Variants in MXRA5 observed in about 807,000 individuals in gnomAD.
The protein encoded by MXRA5 is matrix-remodeling-associated protein 5.
A neutral mutation model predicts 112.5 loss-of-function variants in MXRA5; 41 were observed. That is an observed-to-expected ratio of 0.36 (90% CI 0.28 to 0.47). MXRA5 has a LOEUF of 0.47. Ranked by LOEUF, MXRA5 falls within the 20% of genes least tolerant of loss-of-function variation. MXRA5 has a pLI of 0.99. For missense variants in MXRA5, 2,150 were observed against 2,251.0 expected (o/e 0.96, Z 0.91); for synonymous variants, 862 against 900.8 (o/e 0.96, Z 0.77).
chrX:3,311,039 G>A lies in MXRA5; in HGVS notation c.7164C>T (p.Ile2388=), dbSNP rs1920983908. Residue 2388 remains isoleucine, a synonymous_variant, in exon 7 of 7, where the codon ATC becomes ATT. Coordinates refer to ENST00000217939, the MANE Select transcript of MXRA5 (RefSeq NM_015419.4). ...TCTGATACTTCTCAGAGGAGGTGGG[G>A]ATCACCTTGTTGGTTGGGGACAACC... ...VTWLSPTNKV[I]PTSSEKYQIY... 8.3e-7 allele frequency: 1 copy of A among 1,211,646 alleles called. No homozygotes were observed. The highest frequency in any genetic ancestry group is 3.0e-5 in the East Asian group (1 of 33,806).
rs41310268 is a variant in MXRA5, at chrX:3,310,874, G to T, written c.7329C>A (p.Asn2443Lys). Residue 2443 changes from asparagine to lysine, a missense_variant, in exon 7 of 7, where the codon AAC (asparagine) becomes AAA (lysine). Asn to Lys is a moderately conservative substitution (Grantham distance 94, BLOSUM62 0). This residue lies in a region of MXRA5 where 93 missense variants were observed against 135.5 expected (regional missense o/e 0.69). Coordinates refer to ENST00000217939, the MANE Select transcript of MXRA5 (RefSeq NM_015419.4). ...IHVNVQPPKI[N>K]GNPNPITTVR... ...CAGTGGTGATGGGGTTGGGGTTACC[G>T]TTGATCTTGGGTGGCTGGACGTTGA... is the stretch of plus-strand genomic sequence containing the variant. 13 of 1,211,209 alleles carry T rather than the reference G, an allele frequency of 1.1e-5. No homozygotes were observed. The highest frequency in any genetic ancestry group is 1.5e-5 in the Non-Finnish European group (13 of 895,392).
chrX:3,310,685 C>T lies in MXRA5; in HGVS notation c.7518G>A (p.Arg2506=). The T allele has an allele frequency of 8.4e-7, 1 of 1,188,319 alleles. No individual in the cohort carries two copies. The highest frequency in any genetic ancestry group is 1.1e-6 in the Non-Finnish European group (1 of 884,688). The change falls in exon 7 of 7, where the codon AGG becomes AGA. Residue 2506 remains arginine (R), a synonymous_variant. Transcript: ENST00000217939. ...GGACGGAGTCGCTCTTCCTCAAACT[C>T]CTGATGTCCAGGGAACCGTTGCCAT... ...TVHGNGSLDI[R]SLRKSDSVQL...
At chrX:3,325,053 C>G in intron 4 of MXRA5, 78 bp from the exon 5 acceptor site, 12 of 1,025,734 alleles carry the variant, frequency 1.2e-5, no homozygotes, top group Non-Finnish European at 1.5e-5. Context: ...GAGGATAAAG[C>G]CTATGTTTGC....
At chrX:3,338,638 GAC>G (rs972069732) in intron 2 of MXRA5, among the ~76,000 whole-genome samples, 1 of 106,003 alleles carries the variant, frequency 9.4e-6, no homozygotes, top group African/African-American at 3.8e-5. Context: ...ATAGATGATA[GAC>G]AGATAGATAG....
Position 3,330,292 on chromosome X carries a change from T to C in MXRA5, c.435A>G (p.Gln145=), listed in dbSNP as rs372395776. 1.2e-4 allele frequency: 149 copies of C among 1,209,063 alleles called. No homozygotes were observed. The Middle Eastern group carries it at 1.4e-3, about 11-fold the overall frequency. The change falls in exon 4 of 7, where the codon CAA becomes CAG. Residue 145 remains glutamine, a synonymous_variant. Coordinates refer to ENST00000217939, the MANE Select transcript of MXRA5 (RefSeq NM_015419.4). ...DHNKIEFIHP[Q]AFNGLTSLRL... The stretch of plus-strand genomic sequence containing the variant: ...TCAGAGACGTTAAGCCGTTGAAAGC[T>C]TGAGGGTGGATAAACTCGATCTTGT...
intron 4 of MXRA5, among the ~76,000 whole-genome samples, chrX:3,326,279 C>G (rs1921504281): frequency 2.0e-4 from 1 of 5,022 alleles, no homozygotes; most frequent in South Asian, 5.4e-3. Flanking sequence ...ATATTTATAA[C>G]TCTCTATATA....
chrX:3,333,302 C>CAAAAAA (rs386416494), intron 2 of MXRA5, among the ~76,000 whole-genome samples: 167 of 14,803 alleles, frequency 0.011, 1 homozygote, highest in Middle Eastern at 0.083. Context: ...TACCCCATAT[C>CAAAAAA]AAAAAAAAAA....
Position 3,329,787 on chromosome X carries a change from CACT to C in MXRA5, c.709+228_709+230del, listed in dbSNP as rs775468360. Among the ~76,000 whole-genome samples, 16 of 111,727 alleles carry C rather than the reference CACT, an allele frequency of 1.4e-4. No individual in the cohort carries two copies. In the South Asian group the frequency reaches 6.1e-3, roughly 42 times the overall value. On this transcript the variant is annotated intron_variant, in intron 4 of 6. Coordinates refer to ENST00000217939, the MANE Select transcript of MXRA5 (RefSeq NM_015419.4). ...ACCTGTATGTAACTGATTACATGAG[CACT>C]ACATTTCACTAAGGGATAACTGCCT...
chrX:3,338,076 A>G (rs1368931448), intron 2 of MXRA5, among the ~76,000 whole-genome samples: 2 of 111,499 alleles, frequency 1.8e-5, no homozygotes, highest in Admixed American at 9.6e-5. Context: ...CAACCGACCA[A>G]TGGAATAGAG....
Position 3,317,945 on chromosome X carries a change from G to A in MXRA5, c.5736C>T (p.Thr1912=). 8.3e-7 allele frequency: 1 copy of A among 1,210,325 alleles called. No homozygotes were observed. The highest frequency in any genetic ancestry group is 3.0e-5 in the East Asian group (1 of 33,805). ...GTACTTGAACCTTCCGTATCACTAA[G>A]GTACCGTTCTTGAGAACCTCAAACC... ...IQRFEVLKNG[T]LVIRKVQVQD... The change falls in exon 6 of 7, where the codon ACC becomes ACT. Residue 1912 remains threonine (T), a synonymous_variant. Transcript: ENST00000217939.
rs201731709 is a variant in MXRA5, at chrX:3,330,664, T to C, written c.298A>G (p.Arg100Gly). The change falls in exon 3 of 7, where the codon AGA becomes GGA. Residue 100 changes from arginine to glycine, a missense_variant. By Grantham distance (125) the Arg-to-Gly change is moderately radical. Transcript: ENST00000217939. ...EIPSIPDGAL[R>G]DLSSLQVFKF... is the part of the protein sequence containing the mutation. ...TTTACCTGAAGAGAGCTGAGGTCTC[T>C]TAAAGCTCCATCGGGGATGCTTGGG... 4 of 1,207,617 alleles carry C rather than the reference T, an allele frequency of 3.3e-6. No individual in the cohort carries two copies. In the East Asian group the frequency reaches 1.2e-4, roughly 36 times the overall value.
In MXRA5 at chrX:3,333,302, C is replaced by CAAAAAAAAAAA. The variant is rs386416494; in HGVS notation, c.189-2540_189-2530dup. The stretch of plus-strand genomic sequence containing the variant: ...TGGGCAACAGAGCAATACCCCATAT[C>CAAAAAAAAAAA]AAAAAAAAAAAAAAAAAAAAAAAAA... On this transcript the variant is annotated intron_variant, in intron 2 of 6. Coordinates refer to ENST00000217939, the MANE Select transcript of MXRA5 (RefSeq NM_015419.4). 4.7e-3 allele frequency among the ~76,000 whole-genome samples: 69 copies of CAAAAAAAAAAA among 14,807 alleles called. 2 individuals are homozygous for CAAAAAAAAAAA. Among genetic ancestry groups the CAAAAAAAAAAA allele is most frequent in the South Asian group, 0.019 (1 of 53 alleles). 12.9% of individuals were successfully genotyped at this position (14,807 alleles called of 115,157 possible). A position where few individuals can be genotyped will look rare whatever the true frequency, so the allele number is the denominator to read the frequency against.
Position 3,309,853 on chromosome X carries a change from A to G in MXRA5, c.8350T>C (p.Tyr2784His), listed in dbSNP as rs1314036465. The G allele has an allele frequency of 1.2e-5, 15 of 1,209,376 alleles. No homozygotes were observed. The highest frequency in any genetic ancestry group is 1.5e-5 in the Non-Finnish European group (13 of 895,115). ...HLKAGVQARLYGNRFLHPQGS... is the reference protein window; with the variant it reads ...HLKAGVQARLHGNRFLHPQGS... ...TGGGGGTGAAGAAATCTGTTTCCATACAGACGAGCCTGAACCCCTGCCTTC... is the reference window on the plus strand; with the variant it reads ...TGGGGGTGAAGAAATCTGTTTCCATGCAGACGAGCCTGAACCCCTGCCTTC... The change falls in exon 7 of 7, where the codon TAT becomes CAT. Residue 2784 changes from tyrosine to histidine, a missense_variant. Tyr to His is a moderately conservative substitution (Grantham distance 83, BLOSUM62 2). Transcript: ENST00000217939.
chrX:3,335,399 G>T (rs1921760588), intron 2 of MXRA5, among the ~76,000 whole-genome samples: 1 of 111,775 alleles, frequency 8.9e-6, no homozygotes, highest in Admixed American at 9.5e-5. Flanking sequence ...GTTTCACCAT[G>T]TTGGCCAGGC....
chrX:3,322,553 C>T lies in MXRA5; in HGVS notation c.3132G>A (p.Val1044=), dbSNP rs769749813. ...TGTCTTGAGTGCTTAGACTACTTTT[C>T]ACAAGGTGGATGTTGTCTGTCAGTC... is the stretch of plus-strand genomic sequence containing the variant. ...LQGLTDNIHL[V]KSSLSTQDTL... is the part of the protein sequence containing the mutation. Residue 1044 remains valine (V), a synonymous_variant, in exon 5 of 7, where the codon GTG becomes GTA. Transcript: ENST00000217939. 45 of 1,209,720 alleles carry T rather than the reference C, an allele frequency of 3.7e-5. No individual in the cohort carries two copies. Among genetic ancestry groups the T allele is most frequent in the Non-Finnish European group, 5.0e-5 (45 of 895,188 alleles).
Position 3,324,053 on chromosome X carries a change from G to A in MXRA5, c.1632C>T (p.Ser544=). The change falls in exon 5 of 7, where the codon TCC becomes TCT. Residue 544 remains serine, a synonymous_variant. Transcript: ENST00000217939. ...ACAAGCCTGAGTCAGATGGCTCCATGGACTTGATCCTCAGCCAGCCACTGC... is the reference window on the plus strand; with the variant it reads ...ACAAGCCTGAGTCAGATGGCTCCATAGACTTGATCCTCAGCCAGCCACTGC... ...ILSSGWLRIK[S]MEPSDSGLYQ... 8.3e-7 allele frequency: 1 copy of A among 1,204,315 alleles called. No homozygotes were observed. Among genetic ancestry groups the A allele is most frequent in the Non-Finnish European group, 1.1e-6 (1 of 891,693 alleles).
rs749684164 is a variant in MXRA5 at position 3,323,300 on chromosome X, G to A, written c.2385C>T (p.Leu795=). 1.7e-6 allele frequency: 2 copies of A among 1,211,691 alleles called. No individual in the cohort carries two copies. The highest frequency in any genetic ancestry group is 1.8e-5 in the South Asian group (1 of 56,955). Residue 795 remains leucine, a synonymous_variant, in exon 5 of 7, where the codon CTC becomes CTT. Coordinates refer to ENST00000217939, the MANE Select transcript of MXRA5 (RefSeq NM_015419.4). ...DILAKVRGKN[L]PKGTEVPPLI... ...ATGGGGGTACTTCTGTGCCCTTAGG[G>A]AGATTTTTCCCACGGACTTTGGCTA...
rs758065191 is a variant in MXRA5 at position 3,321,226 on chromosome X, G to A, written c.4459C>T (p.Arg1487Trp). The A allele has an allele frequency of 1.3e-5, 16 of 1,211,321 alleles. No individual in the cohort carries two copies. The East Asian group carries it at 3.3e-4, about 25-fold the overall frequency. Residue 1487 changes from arginine (R) to tryptophan (W), a missense_variant, in exon 5 of 7, where the codon CGG becomes TGG. Arg to Trp is a moderately radical substitution (Grantham distance 101). Coordinates refer to ENST00000217939, the MANE Select transcript of MXRA5 (RefSeq NM_015419.4). ...RPQNHTPTAA[R>W]MKEPASSSPS... ...GACGAGGATGCTGGCTCCTTCATCC[G>A]GGCAGCAGTAGGGGTGTGATTCTGT...
chrX:3,322,230 T>A lies in MXRA5; in HGVS notation c.3455A>T (p.Asn1152Ile). 8.4e-7 allele frequency: 1 copy of A among 1,193,685 alleles called. No individual in the cohort carries two copies. The highest frequency in any genetic ancestry group is 1.1e-6 in the Non-Finnish European group (1 of 885,781). The part of the protein sequence containing the change: ...MSTHPSRRRP[N>I]GRRRLRPNKF... ...GTTGGGGCGTAATCTCCTTCTCCCG[T>A]TGGGTCTCCTTCGAGAAGGGTGAGT... The change falls in exon 5 of 7, where the codon AAC becomes ATC. Residue 1152 changes from asparagine to isoleucine, a missense_variant. Around this residue, in one of 6 missense-constraint regions of MXRA5, gnomAD observed 1,485 missense variants for 1,471.6 expected, o/e 1.01. Coordinates refer to ENST00000217939, the MANE Select transcript of MXRA5 (RefSeq NM_015419.4).
Sources: gnomAD v4.1 joint callset for allele counts (sites outside exome capture counted in the v4.1 genomes callset) on GRCh38, gnomAD v4.1.1 for gene constraint, gnomAD v4.1.1 regional missense constraint, MANE v1.5 for transcripts, NCBI Gene and HGNC (gene_info 2026-07-23, HGNC 2026-07-21) for gene names.